Variants in ENTREP2 observed in about 807,000 individuals in gnomAD.
ENTREP2 encodes endosomal transmembrane epsin interactor 2, also known as protein ENTREP2.
the ENTREP2 span, among the ~76,000 whole-genome samples, chr15:29,464,544 G>A: frequency 6.6e-6 from 1 of 152,228 alleles, no homozygotes; most frequent in Non-Finnish European, 1.5e-5. Context: ...TATCAGAGCA[G>A]AAGGCTCGTG....
chr15:29,293,610 T>TG, the ENTREP2 span, among the ~76,000 whole-genome samples: 3 of 151,782 alleles, frequency 2.0e-5, no homozygotes, highest in Non-Finnish European at 4.4e-5. Context: ...AGGCAGAGAG[T>TG]GGGGATGCAA....
chr15:29,444,813 C>A, the ENTREP2 span, among the ~76,000 whole-genome samples: 1 of 152,252 alleles, frequency 6.6e-6, no homozygotes, highest in East Asian at 1.9e-4. Flanking sequence ...TGGACAAGCC[C>A]TGAGATGAAG....
chr15:29,520,943 A>T, the ENTREP2 span, among the ~76,000 whole-genome samples: 1 of 152,228 alleles, frequency 6.6e-6, no homozygotes, highest in Non-Finnish European at 1.5e-5. Context: ...GATATAATGT[A>T]TTCATAGGGC....
the ENTREP2 span, among the ~76,000 whole-genome samples, chr15:29,572,241 C>T: frequency 6.6e-6 from 1 of 152,338 alleles, no homozygotes; most frequent in African/African-American, 2.4e-5. Context: ...AGTGACTGAT[C>T]TCAAAATGCT....
chr15:29,570,733 C>A, the ENTREP2 span: 1 of 975,116 alleles, frequency 1.0e-6, no homozygotes, highest in Non-Finnish European at 1.2e-6. Flanking sequence ...TCGCGCCGGG[C>A]GCCCGCACGC....
chr15:29,660,041 A>G, the ENTREP2 span, among the ~76,000 whole-genome samples: 1 of 152,186 alleles, frequency 6.6e-6, no homozygotes. Flanking sequence ...AGCTCAAGCA[A>G]TCCGCCTGCC....
the ENTREP2 span, among the ~76,000 whole-genome samples, chr15:29,223,299 G>A: frequency 6.6e-6 from 1 of 152,198 alleles, no homozygotes; most frequent in Non-Finnish European, 1.5e-5. Context: ...GCTCCCTCCA[G>A]ACAAGTCCTC....
At chr15:29,447,671 T>TTGG in the ENTREP2 span, among the ~76,000 whole-genome samples, 1 of 147,812 alleles carries the variant, frequency 6.8e-6, no homozygotes, top group South Asian at 2.2e-4. Context: ...TTTTTTTTCG[T>TTGG]AGAGATGGGG....
the ENTREP2 span, among the ~76,000 whole-genome samples, chr15:29,483,414 G>C: frequency 6.6e-6 from 1 of 152,110 alleles, no homozygotes; most frequent in African/African-American, 2.4e-5. Context: ...ACCAAACCTA[G>C]GGTCATTAAG....
chr15:29,291,362 C>T, the ENTREP2 span, among the ~76,000 whole-genome samples: 1 of 152,136 alleles, frequency 6.6e-6, no homozygotes, highest in Non-Finnish European at 1.5e-5. Flanking sequence ...CTCTCTGGTT[C>T]AACCTCTGTC....
At chr15:29,171,805 C>T in the ENTREP2 span, among the ~76,000 whole-genome samples, 1 of 152,132 alleles carries the variant, frequency 6.6e-6, no homozygotes, top group East Asian at 1.9e-4. Context: ...AAAAGATCAG[C>T]AACTTTGCAG....
the ENTREP2 span, among the ~76,000 whole-genome samples, chr15:29,669,264 C>T: frequency 2.0e-5 from 3 of 152,258 alleles, no homozygotes; most frequent in South Asian, 2.1e-4. Flanking sequence ...GGGGCTCTGC[C>T]TTTGTGAATA....
At chr15:29,139,226 A>C in the ENTREP2 span, among the ~76,000 whole-genome samples, 3 of 152,174 alleles carry the variant, frequency 2.0e-5, no homozygotes, top group Non-Finnish European at 4.4e-5. Context: ...CTAAAGGTCT[A>C]ACACATCACA....
chr15:29,289,581 C>CA, the ENTREP2 span, among the ~76,000 whole-genome samples: 2 of 152,134 alleles, frequency 1.3e-5, no homozygotes, highest in African/African-American at 4.8e-5. Flanking sequence ...TGTGGTGGCT[C>CA]ACGTCTGTAA....
At chr15:29,138,420 A>T in the ENTREP2 span, among the ~76,000 whole-genome samples, 1 of 152,172 alleles carries the variant, frequency 6.6e-6, no homozygotes, top group African/African-American at 2.4e-5. Flanking sequence ...ATGCCGCCCT[A>T]TGAGTGTCTA....
the ENTREP2 span, among the ~76,000 whole-genome samples, chr15:29,402,731 A>C: frequency 6.6e-6 from 1 of 152,266 alleles, no homozygotes; most frequent in Non-Finnish European, 1.5e-5. Flanking sequence ...AAACAAATAC[A>C]TAAAGAAAAT....
At chr15:29,575,693 A>C in the ENTREP2 span, among the ~76,000 whole-genome samples, 1 of 152,356 alleles carries the variant, frequency 6.6e-6, no homozygotes, top group African/African-American at 2.4e-5. Flanking sequence ...CATAGAAGTT[A>C]GTTGTGTTTC....
the ENTREP2 span, among the ~76,000 whole-genome samples, chr15:29,653,477 C>T: frequency 6.6e-6 from 1 of 152,110 alleles, no homozygotes; most frequent in East Asian, 1.9e-4. Flanking sequence ...AGGGAGAGAC[C>T]AGGTGGAGGT....
At chr15:29,197,362 G>A in the ENTREP2 span, among the ~76,000 whole-genome samples, 6 of 152,244 alleles carry the variant, frequency 3.9e-5, no homozygotes, top group South Asian at 4.1e-4. Context: ...CAGGGCAGGA[G>A]GATTGCTTGA....
Sources: allele counts gnomAD v4.1 joint callset (sites outside exome capture counted in the v4.1 genomes callset), GRCh38; gene constraint gnomAD v4.1.1; transcripts MANE v1.5; gene names NCBI Gene and HGNC (gene_info 2026-07-23, HGNC 2026-07-21).